The following PTPRT variants were observed in gnomAD, a reference collection of about 807,000 sequenced individuals.
The protein encoded by PTPRT is receptor-type tyrosine-protein phosphatase T.
A neutral mutation model predicts 176.8 loss-of-function variants in PTPRT; 56 were observed. That is an observed-to-expected ratio of 0.32 (90% CI 0.26 to 0.40). The LOEUF (loss-of-function observed/expected upper bound fraction) is 0.40, where lower values mean the gene tolerates loss of function less well. Ranked by LOEUF, PTPRT falls within the 10% of genes least tolerant of loss-of-function variation. The pLI is 1.00. For missense variants in PTPRT, 1,540 were observed against 1,908.2 expected, an observed-to-expected ratio of 0.81 and a Z score of 3.60; for synonymous variants, 783 against 739.0, an observed-to-expected ratio of 1.06 and a Z score of -0.96.
intron 9 of PTPRT, among the ~76,000 whole-genome samples, chr20:42,353,150 G>T (rs2058310949): frequency 6.6e-6 from 1 of 152,198 alleles, no homozygotes; most frequent in African/African-American, 2.4e-5. Context: ...GTAGCCCCGT[G>T]AGGCCAGTGG....
chr20:42,493,056 A>G (rs1304173561), intron 7 of PTPRT, among the ~76,000 whole-genome samples: 2 of 152,214 alleles, frequency 1.3e-5, no homozygotes, highest in East Asian at 3.8e-4. Flanking sequence ...TGATAACCAC[A>G]AAAACAACCA....
intron 7 of PTPRT, among the ~76,000 whole-genome samples, chr20:42,594,181 G>A (rs1302945170): frequency 6.6e-6 from 1 of 152,112 alleles, no homozygotes; most frequent in Non-Finnish European, 1.5e-5. Flanking sequence ...TCCTGCCAAA[G>A]GGGATTAAGA....
intron 11 of PTPRT, among the ~76,000 whole-genome samples, chr20:42,336,012 A>T (rs997672884): frequency 5.9e-5 from 9 of 152,204 alleles, no homozygotes; most frequent in Non-Finnish European, 1.3e-4. Flanking sequence ...TAGGGATAAC[A>T]CTAGTTTCTA....
chr20:42,336,291 C>T (rs1050611525), intron 11 of PTPRT, among the ~76,000 whole-genome samples: 17 of 152,166 alleles, frequency 1.1e-4, no homozygotes, highest in African/African-American at 3.9e-4. Flanking sequence ...GACAAGTTAC[C>T]ATCTATCATA....
intron 1 of PTPRT, among the ~76,000 whole-genome samples, chr20:43,136,181 G>A (rs1314393907): frequency 6.6e-6 from 1 of 152,180 alleles, no homozygotes; most frequent in African/African-American, 2.4e-5. Flanking sequence ...TGGCGAGCCA[G>A]AATACCCAGT....
At chr20:43,090,797 G>C (rs921924677) in intron 1 of PTPRT, among the ~76,000 whole-genome samples, 3 of 152,002 alleles carry the variant, frequency 2.0e-5, no homozygotes, top group African/African-American at 7.3e-5. Flanking sequence ...CCATCTACTA[G>C]ATGCTCCTAG....
chr20:42,669,817 G>C (rs1442864406), intron 7 of PTPRT, among the ~76,000 whole-genome samples: 4 of 152,130 alleles, frequency 2.6e-5, no homozygotes, highest in South Asian at 4.1e-4. Flanking sequence ...TTATTGCAGA[G>C]AGTCTGGATT....
chr20:42,675,598 A>G (rs533737351), intron 7 of PTPRT, among the ~76,000 whole-genome samples: 1 of 152,334 alleles, frequency 6.6e-6, no homozygotes, highest in East Asian at 1.9e-4. Flanking sequence ...TTATTCACAC[A>G]TAAGTGCTTA....
rs370560635 is a variant in PTPRT, at chr20:42,507,745, T to C, written c.1154-35183A>G. 2.5e-3 allele frequency among the ~76,000 whole-genome samples: 383 copies of C among 152,112 alleles called. 3 individuals carry two copies. Among genetic ancestry groups the C allele is most frequent in the African/African-American group, 9.0e-3 (373 of 41,506 alleles). On this transcript the variant is annotated intron_variant, in intron 7 of 30. Transcript: ENST00000373187. Reference sequence around the variant, plus strand: ...AAAATGCCAGCGGGCCGGTTTCTAATTCCACCAAGAAGACAAGGAAAATGG... The same window carrying C: ...AAAATGCCAGCGGGCCGGTTTCTAACTCCACCAAGAAGACAAGGAAAATGG...
chr20:42,337,532 A>G (rs2058057220), intron 11 of PTPRT, among the ~76,000 whole-genome samples: 3 of 152,118 alleles, frequency 2.0e-5, no homozygotes, highest in Admixed American at 2.0e-4. Context: ...CTAGAGGAGG[A>G]GCTCAACAAA....
chr20:42,913,106 C>T (rs182632826), intron 1 of PTPRT, among the ~76,000 whole-genome samples: 6 of 152,226 alleles, frequency 3.9e-5, no homozygotes, highest in African/African-American at 7.2e-5. Context: ...AAAATTAAAA[C>T]GACTGTATGG....
intron 9 of PTPRT, among the ~76,000 whole-genome samples, chr20:42,398,796 C>A (rs1351018844): frequency 2.0e-5 from 3 of 152,076 alleles, no homozygotes; most frequent in Non-Finnish European, 4.4e-5. Context: ...CTTAAAACAA[C>A]AATAATTGAT....
At chr20:42,083,600 A>T (rs947846708) in intron 29 of PTPRT, among the ~76,000 whole-genome samples, 15 of 152,194 alleles carry the variant, frequency 9.9e-5, no homozygotes, top group African/African-American at 3.6e-4. Context: ...TAACATGTGC[A>T]TGCACCACCT....
chr20:43,083,365 T>TTTTG (rs2011516700), intron 1 of PTPRT, among the ~76,000 whole-genome samples: 1 of 98,324 alleles, frequency 1.0e-5, no homozygotes, highest in African/African-American at 4.2e-5. Flanking sequence ...TATATATATA[T>TTTTG]ATATACATTT....
chr20:42,993,440 GTATATATATA>G (rs1229699850), intron 1 of PTPRT, among the ~76,000 whole-genome samples: 1 of 101,188 alleles, frequency 9.9e-6, no homozygotes, highest in Admixed American at 9.1e-5. Context: ...AAGTATGTGT[GTATATATATA>G]TATGTATGTG....
chr20:42,601,737 T>A (rs1222215896), intron 7 of PTPRT, among the ~76,000 whole-genome samples: 2 of 152,186 alleles, frequency 1.3e-5, no homozygotes, highest in South Asian at 2.1e-4. Flanking sequence ...TACATCTCAA[T>A]AAATCATTAC....
rs199981597 is a variant in PTPRT, at chr20:42,552,786, AG to A, written c.1154-80225del. On this transcript the variant is annotated intron_variant, in intron 7 of 30. Transcript: ENST00000373187. Reference sequence around the variant, plus strand: ...TCCCCAAAGAAAAATGTACAAGGGAAGTAAATTCGTAGTTTAGAAAAGAAGA... The same window carrying A: ...TCCCCAAAGAAAAATGTACAAGGGAATAAATTCGTAGTTTAGAAAAGAAGA... Among the ~76,000 whole-genome samples the A allele has an allele frequency of 1.1e-4, 17 of 152,298 alleles. No homozygotes were observed. The East Asian group carries it at 2.7e-3, about 24-fold the overall frequency.
chr20:42,246,012 A>G (rs1008626975), intron 14 of PTPRT, among the ~76,000 whole-genome samples: 1 of 152,168 alleles, frequency 6.6e-6, no homozygotes, highest in African/African-American at 2.4e-5. Context: ...TAACACTAGT[A>G]TCCTGAGCTA....
chr20:42,711,067 C>G (rs1206457475), intron 6 of PTPRT, among the ~76,000 whole-genome samples: 5 of 152,210 alleles, frequency 3.3e-5, no homozygotes, highest in African/African-American at 7.2e-5. Context: ...TAATCCTGTA[C>G]TACTATTGCA....
Sources: allele counts gnomAD v4.1 joint callset (sites outside exome capture counted in the v4.1 genomes callset), GRCh38; gene constraint gnomAD v4.1.1; transcripts MANE v1.5; gene names NCBI Gene and HGNC (gene_info 2026-07-23, HGNC 2026-07-21).